The following NUP153 variants were observed in gnomAD, a reference collection of about 807,000 sequenced individuals.
NUP153 encodes nuclear pore complex protein Nup153.
A neutral mutation model predicts 134.6 loss-of-function variants in NUP153; 27 were observed. The ratio of observed to expected loss-of-function variants is 0.20; its 90% CI spans 0.15 to 0.28. The LOEUF (loss-of-function observed/expected upper bound fraction) is 0.28. Ranked by LOEUF, NUP153 falls within the 10% of genes least tolerant of loss-of-function variation. The pLI is 1.00. For synonymous variants in NUP153, 640 were observed against 623.5 expected (o/e 1.03, Z -0.40); for missense variants, 1,821 against 1,731.3 (o/e 1.05, Z -0.92).
rs1770544772 is a variant in NUP153, at chr6:17,706,918, G to A, written c.-531C>T. 2 of 156,068 alleles carry A rather than the reference G, an allele frequency of 1.3e-5. No individual in the cohort carries two copies. Among genetic ancestry groups the A allele is most frequent in the African/African-American group, 4.8e-5 (2 of 41,602 alleles). The allele number at this position is 156,068 out of a possible 1,614,324, so 9.7% of individuals were successfully genotyped here. A position where few individuals can be genotyped will look rare whatever the true frequency, so the allele number is the denominator to read the frequency against. ...GCTAAGGCGGCTGCCGCGGTCGCGA[G>A]CCAGAATGTCGTCACTCATCGGCGC... On this transcript the variant is annotated 5_prime_UTR_variant, in exon 1 of 22. Transcript: ENST00000262077. This position sits in a 1 kb window ranked among gnomAD's most constrained non-coding sequence, Gnocchi z 5.9.
intron 8 of NUP153, among the ~76,000 whole-genome samples, chr6:17,665,746 A>G (rs1767497898): frequency 6.7e-6 from 1 of 149,924 alleles, no homozygotes; most frequent in Non-Finnish European, 1.5e-5. Flanking sequence ...TAAGAGACGG[A>G]CTCCTGCTCT....
At chr6:17,621,363 C>G (rs1166132270) in intron 20 of NUP153, among the ~76,000 whole-genome samples, 1 of 152,048 alleles carries the variant, frequency 6.6e-6, no homozygotes, top group African/African-American at 2.4e-5. Context: ...GCTATTTATC[C>G]AAAGGAGAGG....
Position 17,628,589 on chromosome 6 carries a change from A to T in NUP153, c.3544+66T>A. 2.2e-6 allele frequency: 2 copies of T among 905,928 alleles called. No homozygotes were observed. Among genetic ancestry groups the T allele is most frequent in the Non-Finnish European group, 2.8e-6 (2 of 702,646 alleles). The allele number at this position is 905,928 out of a possible 1,614,324, so 56.1% of individuals were successfully genotyped here. ...ATTGACTTGCTGCATCTGTCAAGGCAACTTGTAAAACGACAACTTGTAAAA... is the reference window on the plus strand; with the variant it reads ...ATTGACTTGCTGCATCTGTCAAGGCTACTTGTAAAACGACAACTTGTAAAA... On this transcript the variant is annotated intron_variant, in intron 18 of 21. Transcript: ENST00000262077. The surrounding 1 kb of genome is among the most constrained non-coding windows in gnomAD (Gnocchi z 5.4).
Position 17,649,106 on chromosome 6 carries a change from T to A in NUP153, c.1533+57A>T, listed in dbSNP as rs531038732. ...ACTGTTTATAATATAGGGTTTTTTTTAAATAAAGAATTAAGAAAGAACAAA... is the reference window on the plus strand; with the variant it reads ...ACTGTTTATAATATAGGGTTTTTTTAAAATAAAGAATTAAGAAAGAACAAA... On this transcript the variant is annotated intron_variant, in intron 12 of 21. Coordinates refer to ENST00000262077, the MANE Select transcript of NUP153 (RefSeq NM_005124.4). The A allele has an allele frequency of 5.1e-3, 7,430 of 1,460,510 alleles. 23 individuals carry two copies. Among genetic ancestry groups the A allele is most frequent in the Non-Finnish European group, 6.3e-3 (6,834 of 1,080,708 alleles). 90.5% of individuals were successfully genotyped at this position (1,460,510 alleles called of 1,614,324 possible).
chr6:17,704,551 C>G (rs1043872521), intron 1 of NUP153, among the ~76,000 whole-genome samples: 1 of 152,086 alleles, frequency 6.6e-6, no homozygotes, highest in Non-Finnish European at 1.5e-5. Flanking sequence ...GCAAATACCC[C>G]TTTTCTTCAC....
At chr6:17,648,980 T>C (rs1237209490) in intron 12 of NUP153, among the ~76,000 whole-genome samples, 183 bp downstream of exon 12, 2 of 152,230 alleles carry the variant, frequency 1.3e-5, no homozygotes, top group African/African-American at 4.8e-5. Flanking sequence ...AACACTCCAT[T>C]ATAATGTATC....
intron 1 of NUP153, among the ~76,000 whole-genome samples, chr6:17,695,348 C>G (rs929845716): frequency 2.0e-5 from 3 of 152,128 alleles, no homozygotes; most frequent in Admixed American, 6.6e-5. Flanking sequence ...GATTCTTCTG[C>G]AAATTAATGT....
chr6:17,688,449 G>A lies in NUP153; in HGVS notation c.281C>T (p.Ser94Phe). The change falls in exon 2 of 22, where the codon TCT becomes TTT. Residue 94 changes from serine to phenylalanine, a missense_variant. Ser to Phe is a radical substitution (Grantham distance 155, BLOSUM62 -2). Coordinates refer to ENST00000262077, the MANE Select transcript of NUP153 (RefSeq NM_005124.4). Reference sequence around the variant, plus strand: ...TGTGATTCTCCCATCAGTAATATTAGAGCTCTCCTCATCGGCATATACCAG... The same window carrying A: ...TGTGATTCTCCCATCAGTAATATTAAAGCTCTCCTCATCGGCATATACCAG... ...DHLVYADEES[S>F]NITDGRITPE... The A allele has an allele frequency of 5.6e-6, 9 of 1,614,032 alleles. No homozygotes were observed. The highest frequency in any genetic ancestry group is 7.6e-6 in the Non-Finnish European group (9 of 1,180,006).
At chr6:17,688,741 G>A (rs1769098805) in intron 1 of NUP153, 123 bp from the exon 2 acceptor site, 1 of 646,556 alleles carries the variant, frequency 1.5e-6, no homozygotes, top group South Asian at 1.9e-5. Context: ...CCAAAATTCA[G>A]TTACTACAGT....
chr6:17,703,945 G>A (rs1322388023), intron 1 of NUP153, among the ~76,000 whole-genome samples: 4 of 152,206 alleles, frequency 2.6e-5, no homozygotes, highest in African/African-American at 9.7e-5. Context: ...GTGTTATGCT[G>A]TTAAGACATC....
chr6:17,706,620 C>G lies in NUP153; in HGVS notation c.-233G>C. 1 of 564,766 alleles carries G rather than the reference C, an allele frequency of 1.8e-6. No homozygotes were observed. Among genetic ancestry groups the G allele is most frequent in the South Asian group, 2.1e-5 (1 of 48,774 alleles). 35.0% of individuals were successfully genotyped at this position (564,766 alleles called of 1,614,324 possible). A position where few individuals can be genotyped will look rare whatever the true frequency, so the allele number is the denominator to read the frequency against. ...GCGGCCGCAGAGGCCGAGGAGGCTC[C>G]GGTCCGGCCGCCTCTGCGGACCCCC... On this transcript the variant is annotated 5_prime_UTR_variant, in exon 1 of 22. Coordinates refer to ENST00000262077, the MANE Select transcript of NUP153 (RefSeq NM_005124.4). This position sits in a 1 kb window ranked among gnomAD's most constrained non-coding sequence, Gnocchi z 5.9.
At chr6:17,659,510 G>A (rs1383911940) in intron 11 of NUP153, among the ~76,000 whole-genome samples, 1 of 152,124 alleles carries the variant, frequency 6.6e-6, no homozygotes, top group Non-Finnish European at 1.5e-5. Flanking sequence ...GTCTCGCTCT[G>A]TTGCCAGGCT....
At chr6:17,702,954 C>T (rs1242549448) in intron 1 of NUP153, among the ~76,000 whole-genome samples, 1 of 151,898 alleles carries the variant, frequency 6.6e-6, no homozygotes, top group Non-Finnish European at 1.5e-5. Flanking sequence ...AATACCAGCA[C>T]TTTTGGGAGG....
In NUP153 at chr6:17,637,196, A is replaced by G; in HGVS notation, c.2421T>C (p.Asn807=). The stretch of plus-strand genomic sequence containing the variant: ...AGGACACACACTTATTGTCTTCTGC[A>G]TTATTAGAAACACAGCATACTGAAC... ...WECSVCCVSN[N]AEDNKCVSCM... The change falls in exon 16 of 22, where the codon AAT becomes AAC. Residue 807 remains asparagine (N), a synonymous_variant. Transcript: ENST00000262077. The G allele has an allele frequency of 6.2e-7, 1 of 1,614,072 alleles. No individual in the cohort carries two copies. Among genetic ancestry groups the G allele is most frequent in the Non-Finnish European group, 8.5e-7 (1 of 1,179,916 alleles).
At chr6:17,678,962 AAT>A (rs1768405776) in intron 2 of NUP153, among the ~76,000 whole-genome samples, 1 of 150,210 alleles carries the variant, frequency 6.7e-6, no homozygotes, top group Non-Finnish European at 1.5e-5. Context: ...AAAAAAAAAA[AAT>A]AAGTCTTAAC....
chr6:17,619,638 C>G (rs949997293), intron 20 of NUP153: 1 of 152,052 alleles, frequency 6.6e-6, no homozygotes, highest in Non-Finnish European at 1.5e-5. Flanking sequence ...TATTTTTAAA[C>G]TAAAAACTGA....
chr6:17,698,095 C>A (rs2113861780), intron 1 of NUP153, among the ~76,000 whole-genome samples: 1 of 152,276 alleles, frequency 6.6e-6, no homozygotes, highest in South Asian at 2.1e-4. Flanking sequence ...CTATAAATAT[C>A]AAATGCAGTC....
intron 11 of NUP153, among the ~76,000 whole-genome samples, chr6:17,660,307 G>C (rs1360513831): frequency 1.3e-5 from 2 of 152,116 alleles, no homozygotes; most frequent in South Asian, 4.1e-4. Flanking sequence ...GGAGTCACTG[G>C]TGAAATTTTA....
At chr6:17,689,795 G>A (rs1434436513) in intron 1 of NUP153, among the ~76,000 whole-genome samples, 1 of 152,012 alleles carries the variant, frequency 6.6e-6, no homozygotes, top group East Asian at 1.9e-4. Flanking sequence ...AAAGTGCTGG[G>A]ATTACAAGCA....
Sources: allele counts gnomAD v4.1 joint callset (sites outside exome capture counted in the v4.1 genomes callset), GRCh38; gene constraint gnomAD v4.1.1; non-coding constraint Gnocchi (gnomAD v3.1); transcripts MANE v1.5; gene names NCBI Gene and HGNC (gene_info 2026-07-23, HGNC 2026-07-21).